JADE3: variants seen among roughly 807,000 people sequenced by gnomAD.
The protein encoded by JADE3 is jade family PHD finger 3.
JADE3 carries 2 observed loss-of-function variants against 50.1 expected under a neutral mutation model. The observed-to-expected ratio is 0.04, with a 90% CI of 0.02 to 0.13. The LOEUF (loss-of-function observed/expected upper bound fraction) is 0.13, where lower values mean the gene tolerates loss of function less well. Among genes scored for constraint, JADE3 ranks in the 10% least tolerant of loss-of-function variants. The pLI is 1.00. For synonymous variants in JADE3, 218 were observed against 232.9 expected (o/e 0.94, Z 0.58); for missense variants, 475 against 634.4 (o/e 0.75, Z 2.70).
At chrX:47,005,994 G>T (rs782593326) in intron 4 of JADE3, among the ~76,000 whole-genome samples, 2 of 111,470 alleles carry the variant, frequency 1.8e-5, no homozygotes, top group Non-Finnish European at 3.8e-5. Context: ...GTCTCATAAT[G>T]CCCCAAATGT....
Position 47,054,311 on chromosome X carries a change from G to A in JADE3, c.1126G>A (p.Glu376Lys). 8.3e-7 allele frequency: 1 copy of A among 1,210,525 alleles called. No individual in the cohort carries two copies. The highest frequency in any genetic ancestry group is 1.7e-5 in the African/African-American group (1 of 57,529). Residue 376 changes from glutamate (E) to lysine (K), a missense_variant, in exon 9 of 11, where the codon GAG becomes AAG. Around this residue, in one of 6 missense-constraint regions of JADE3, gnomAD observed 81 missense variants for 123.8 expected, o/e 0.65. Coordinates refer to ENST00000614628, the MANE Select transcript of JADE3 (RefSeq NM_014735.5). ...SQNRQKLGEAEYPHHRAKEQS... is the reference protein window; with the variant it reads ...SQNRQKLGEAKYPHHRAKEQS... ...AAACAGGCAGAAACTTGGAGAAGCTGAGTACCCCCACCACAGGGCTAAAGA... is the reference window on the plus strand; with the variant it reads ...AAACAGGCAGAAACTTGGAGAAGCTAAGTACCCCCACCACAGGGCTAAAGA...
At chrX:46,966,311 G>T (rs182919880) in intron 1 of JADE3, among the ~76,000 whole-genome samples, 1,901 of 111,459 alleles carry the variant, frequency 0.017, 15 homozygotes, top group Non-Finnish European at 0.026. Context: ...TTTTCTTTTT[G>T]TTGATGTATC....
At chrX:47,047,549 C>CAA (rs782645560) in intron 8 of JADE3, among the ~76,000 whole-genome samples, 1 of 64,116 alleles carries the variant, frequency 1.6e-5, no homozygotes. Context: ...AACTCCATTA[C>CAA]AAAAAAAAAA....
intron 4 of JADE3, among the ~76,000 whole-genome samples, chrX:47,013,259 C>A (rs1287596030): frequency 9.0e-6 from 1 of 111,519 alleles, no homozygotes; most frequent in African/African-American, 3.3e-5. Context: ...AGCAGTTATC[C>A]CATCTTGGCT....
intron 4 of JADE3, among the ~76,000 whole-genome samples, chrX:47,018,776 A>G (rs1391055399): frequency 8.9e-6 from 1 of 112,089 alleles, no homozygotes; most frequent in Non-Finnish European, 1.9e-5. Flanking sequence ...TCTGTGGGTC[A>G]GGAAATCAGA....
Position 47,058,367 on chromosome X carries a change from A to G in JADE3, c.1762A>G (p.Met588Val). 1 of 1,210,837 alleles carries G rather than the reference A, an allele frequency of 8.3e-7. No homozygotes were observed. Among genetic ancestry groups the G allele is most frequent in the Middle Eastern group, 2.3e-4 (1 of 4,356 alleles). ...NMQVPQESLEMRTKSYPRYPL... is the reference protein window; with the variant it reads ...NMQVPQESLEVRTKSYPRYPL... ...GCAGGTGCCTCAGGAGTCACTAGAA[A>G]TGAGAACAAAATCGTATCCGAGATA... The change falls in exon 11 of 11, where the codon ATG becomes GTG. Residue 588 changes from methionine (M) to valine (V), a missense_variant. Physicochemically the swap from Met to Val is conservative, Grantham distance 21 (BLOSUM62 1). Transcript: ENST00000614628.
At chrX:46,999,180 C>T (rs1279583250) in intron 4 of JADE3, among the ~76,000 whole-genome samples, 6 of 109,248 alleles carry the variant, frequency 5.5e-5, no homozygotes, top group Non-Finnish European at 1.1e-4. Flanking sequence ...TTATGATGAC[C>T]CACTCTTGTG....
At chrX:47,001,456 C>T (rs978184812) in intron 4 of JADE3, among the ~76,000 whole-genome samples, 3 of 111,830 alleles carry the variant, frequency 2.7e-5, no homozygotes, top group Non-Finnish European at 1.9e-5. Context: ...CTTTTATCAT[C>T]TTCCTTGGAT....
chrX:46,957,827 AT>A (rs1927169620), intron 1 of JADE3, among the ~76,000 whole-genome samples: 1 of 112,117 alleles, frequency 8.9e-6, no homozygotes, highest in Admixed American at 9.5e-5. Context: ...AATGAACCTT[AT>A]TCTGTCTAGC....
chrX:47,041,974 T>TTTTTC (rs1391062474), intron 8 of JADE3, among the ~76,000 whole-genome samples: 2 of 111,662 alleles, frequency 1.8e-5, no homozygotes, highest in African/African-American at 3.2e-5. Flanking sequence ...CTGGCCTTTT[T>TTTTTC]TTTTCTTTTC....
chrX:47,045,382 A>T (rs1208146286), intron 8 of JADE3, among the ~76,000 whole-genome samples: 1 of 112,670 alleles, frequency 8.9e-6, no homozygotes, highest in Non-Finnish European at 1.9e-5. Context: ...TATACACCCA[A>T]TTCTGGAGCA....
At chrX:47,028,741 A>G (rs1386735526) in intron 6 of JADE3, among the ~76,000 whole-genome samples, 3 of 110,387 alleles carry the variant, frequency 2.7e-5, no homozygotes, top group African/African-American at 6.6e-5. Context: ...TATGATATCA[A>G]CCCTCCTTTC....
intron 1 of JADE3, among the ~76,000 whole-genome samples, chrX:46,956,437 A>G (rs782243723): frequency 8.8e-6 from 1 of 113,076 alleles, no homozygotes; most frequent in African/African-American, 3.2e-5. Flanking sequence ...ATAATGGAAA[A>G]ATTCAAAGAA....
intron 4 of JADE3, among the ~76,000 whole-genome samples, chrX:47,021,168 G>A (rs782701651): frequency 9.0e-5 from 10 of 110,515 alleles, no homozygotes; most frequent in African/African-American, 2.3e-4. Context: ...CTCACCCAAG[G>A]TATCAGTTTT....
chrX:46,960,242 A>C (rs35972232), intron 1 of JADE3, among the ~76,000 whole-genome samples: 22,920 of 103,476 alleles, frequency 0.22, 2,414 homozygotes, highest in East Asian at 0.38. Flanking sequence ...TGTGCAACAA[A>C]AAAAAAAAAA....
chrX:47,007,351 G>C (rs1194254593), intron 4 of JADE3, among the ~76,000 whole-genome samples: 1 of 111,303 alleles, frequency 9.0e-6, no homozygotes, highest in Admixed American at 9.6e-5. Context: ...CTGTTTGTTG[G>C]TTCTATCAAT....
intron 7 of JADE3, among the ~76,000 whole-genome samples, chrX:47,034,811 A>C (rs1602416919): frequency 1.0e-5 from 1 of 98,475 alleles, no homozygotes; most frequent in Non-Finnish European, 2.0e-5. Flanking sequence ...ACGGGGTTTC[A>C]CCGTGTTAGC....
rs782555482 is a variant in JADE3 at position 46,923,393 on chromosome X, C to CTT, written c.-12+10701_-12+10702dup. The stretch of plus-strand genomic sequence containing the variant: ...ATTTCTTTTCTCTCTCTCTCTCTCT[C>CTT]TTTTTTTTTTTTTTTTTTTTTTTTT... On this transcript the variant is annotated intron_variant, in intron 1 of 10. Transcript: ENST00000614628. 1.7e-3 allele frequency among the ~76,000 whole-genome samples: 20 copies of CTT among 11,520 alleles called. 1 individual carries two copies. The highest frequency in any genetic ancestry group is 3.8e-3 in the African/African-American group (19 of 5,051). 10.0% of individuals were successfully genotyped at this position (11,520 alleles called of 115,157 possible). A position where few individuals can be genotyped will look rare whatever the true frequency, so the allele number is the denominator to read the frequency against.
At chrX:46,941,000 C>T (rs1926739939) in intron 1 of JADE3, among the ~76,000 whole-genome samples, 1 of 110,665 alleles carries the variant, frequency 9.0e-6, no homozygotes, top group Admixed American at 9.8e-5. Flanking sequence ...GGGTTTGTTG[C>T]ATGACATCGA....
Sources: gnomAD v4.1 joint callset for allele counts (sites outside exome capture counted in the v4.1 genomes callset) on GRCh38, gnomAD v4.1.1 for gene constraint, gnomAD v4.1.1 regional missense constraint, MANE v1.5 for transcripts, NCBI Gene and HGNC (gene_info 2026-07-23, HGNC 2026-07-21) for gene names.